FAM178B: variants seen among roughly 807,000 people sequenced by gnomAD.
FAM178B encodes protein FAM178B.
In FAM178B, 82 loss-of-function variants were observed where a neutral mutation model predicts 91.7. That is an observed-to-expected ratio of 0.89 (90% CI 0.75 to 1.07). The LOEUF is 1.07. Ranked by LOEUF, FAM178B falls within the 50% of genes least tolerant of loss-of-function variation. FAM178B has a pLI of 0.00. For missense variants in FAM178B, 769 were observed against 846.7 expected (o/e 0.91, Z 1.14); for synonymous variants, 368 against 359.4 (o/e 1.02, Z -0.27).
intron 5 of FAM178B, among the ~76,000 whole-genome samples, chr2:96,961,728 G>A (rs2082084259): frequency 6.6e-6 from 1 of 152,120 alleles, no homozygotes; most frequent in African/African-American, 2.4e-5. Flanking sequence ...TGGGTGTGGT[G>A]TGGCGTCGCC....
At chr2:96,893,330 T>C (rs563626076) in intron 14 of FAM178B, among the ~76,000 whole-genome samples, 37 of 152,234 alleles carry the variant, frequency 2.4e-4, no homozygotes, top group Non-Finnish European at 5.0e-4. Flanking sequence ...TAGGCCTCAC[T>C]GTTCCAAACT....
chr2:96,954,284 TA>T (rs1384967902), intron 6 of FAM178B, among the ~76,000 whole-genome samples: 2 of 152,224 alleles, frequency 1.3e-5, no homozygotes, highest in African/African-American at 2.4e-5. Flanking sequence ...AGGGAGCTGC[TA>T]ATCCCCAGCC....
At chr2:96,934,650 C>T (rs1293246433) in intron 8 of FAM178B, among the ~76,000 whole-genome samples, 2 of 152,238 alleles carry the variant, frequency 1.3e-5, no homozygotes. Flanking sequence ...AAGAGTGCCA[C>T]TGCCTCTCCT....
chr2:96,881,409 C>A (rs1332768982), intron 14 of FAM178B, among the ~76,000 whole-genome samples: 1 of 152,036 alleles, frequency 6.6e-6, no homozygotes, highest in Admixed American at 6.5e-5. Context: ...GGGGAAGGCA[C>A]CCTGGGCTGT....
chr2:96,884,620 G>A (rs1041365690), intron 14 of FAM178B, among the ~76,000 whole-genome samples: 12 of 152,224 alleles, frequency 7.9e-5, no homozygotes, highest in Admixed American at 3.3e-4. Flanking sequence ...GACACCAGGC[G>A]AAAGGGGATG....
In FAM178B at chr2:96,902,642, G is replaced by T. The variant is rs772033104; in HGVS notation, c.1628C>A (p.Pro543His). 6 of 1,550,858 alleles carry T rather than the reference G, an allele frequency of 3.9e-6. No homozygotes were observed. The South Asian group carries it at 5.9e-5, about 15-fold the overall frequency. The change falls in exon 13 of 17, where the codon CCT becomes CAT. Residue 543 changes from proline (P) to histidine (H), a missense_variant. By Grantham distance (77) the Pro-to-His change is moderately conservative. Transcript: ENST00000490605. ...CACCTGGGTCTTCTCTTGCCAGAGA[G>T]GGAGCATCTCCTGCTGGCCCAGCAT... ...ARMLGQQEML[P>H]LWQEKTQLSS...
At chr2:96,971,295 C>G (rs1481160747) in intron 3 of FAM178B, among the ~76,000 whole-genome samples, 1 of 145,734 alleles carries the variant, frequency 6.9e-6, no homozygotes, top group Non-Finnish European at 1.5e-5. Context: ...CTCTCTCCCA[C>G]CTCCCTCTCT....
chr2:96,964,678 C>T (rs571438756), intron 5 of FAM178B, among the ~76,000 whole-genome samples: 60 of 152,314 alleles, frequency 3.9e-4, no homozygotes, highest in South Asian at 2.9e-3. Flanking sequence ...AGAAACCACC[C>T]CACTGATCTG....
intron 9 of FAM178B, among the ~76,000 whole-genome samples, chr2:96,925,303 T>C (rs1428641875): frequency 6.6e-6 from 1 of 151,736 alleles, no homozygotes; most frequent in Non-Finnish European, 1.5e-5. Context: ...CAGAGAGGAG[T>C]GTGGCTGTGG....
At chr2:96,924,398 CTGA>C (rs1287331214) in intron 9 of FAM178B, among the ~76,000 whole-genome samples, 2 of 152,256 alleles carry the variant, frequency 1.3e-5, no homozygotes, top group African/African-American at 2.4e-5. Context: ...GTGCTGTCTG[CTGA>C]TAAGACCTGC....
chr2:96,890,373 A>T (rs568095700), intron 14 of FAM178B, among the ~76,000 whole-genome samples: 1 of 152,192 alleles, frequency 6.6e-6, no homozygotes, highest in Non-Finnish European at 1.5e-5. Context: ...CTGAGGTAGG[A>T]GGATCTATTG....
In FAM178B at chr2:96,924,249, G is replaced by A. The variant is rs370343677; in HGVS notation, c.1194-666C>T. Among the ~76,000 whole-genome samples, 57 of 152,310 alleles carry A rather than the reference G, an allele frequency of 3.7e-4. No homozygotes were observed. The South Asian group carries it at 1.0e-2, about 27-fold the overall frequency. On this transcript the variant is annotated intron_variant, in intron 9 of 16. Coordinates refer to ENST00000490605, the MANE Select transcript of FAM178B (RefSeq NM_001122646.3). ...CCGTGAGTTCTCCCTGGGTCCGTTC[G>A]ACAAGGGTGAGCCTGCATACACTGC...
rs746051795 is a variant in FAM178B at position 96,967,605 on chromosome 2, G to A, written c.649C>T (p.Arg217Ter). Residue 217 changes from arginine to a stop codon, truncating the protein, a stop_gained, in exon 5 of 17, where the codon CGA becomes TGA. Coordinates refer to ENST00000490605, the MANE Select transcript of FAM178B (RefSeq NM_001122646.3). LOFTEE classifies it high-confidence loss of function. Reference protein sequence around the residue: ...EKREQALEQERERLLLQECLN... With the variant: ...EKREQALEQE ...CACTCCTGCAGAAGCAGCCTCTCTCGCTCCTGCTCCAGGGCCTGTTCCCTA... is the reference window on the plus strand; with the variant it reads ...CACTCCTGCAGAAGCAGCCTCTCTCACTCCTGCTCCAGGGCCTGTTCCCTA... 9.0e-6 allele frequency: 14 copies of A among 1,549,656 alleles called. No homozygotes were observed. Among genetic ancestry groups the A allele is most frequent in the East Asian group, 4.9e-5 (2 of 40,920 alleles).
rs1428949113 is a variant in FAM178B, at chr2:96,921,234, C to A, written c.1493G>T (p.Trp498Leu). 3 of 1,551,488 alleles carry A rather than the reference C, an allele frequency of 1.9e-6. No homozygotes were observed. Among genetic ancestry groups the A allele is most frequent in the Middle Eastern group, 1.7e-4 (1 of 6,012 alleles). Reference sequence around the variant, plus strand: ...CAGGTTGTGGTGGTGGTCAGACACCCAGCTCAGGGTGCAGCACAGTTCCTG... The same window carrying A: ...CAGGTTGTGGTGGTGGTCAGACACCAAGCTCAGGGTGCAGCACAGTTCCTG... ...KLQELCCTLS[W>L]VSDHHHNLLA... Residue 498 changes from tryptophan (W) to leucine (L), a missense_variant, in exon 12 of 17, where the codon TGG (tryptophan) becomes TTG (leucine). Trp to Leu is a moderately conservative substitution (Grantham distance 61). Transcript: ENST00000490605.
In FAM178B at chr2:96,902,692, C is replaced by G; in HGVS notation, c.1578G>C (p.Gln526His). The change falls in exon 13 of 17, where the codon CAG becomes CAC. Residue 526 changes from glutamine (Q) to histidine (H), a missense_variant. Physicochemically the swap from Gln to His is conservative, Grantham distance 24. Transcript: ENST00000490605. ...TTCGAGCAATGACCACAAGGCTGAG[C>G]TGGCTTCGAAGCCGCCTGGGGGAAA... The part of the protein sequence containing the change: ...MTSRSRRLRS[Q>H]LSLVVIARML... 2 of 1,550,562 alleles carry G rather than the reference C, an allele frequency of 1.3e-6. No individual in the cohort carries two copies. The highest frequency in any genetic ancestry group is 1.2e-5 in the South Asian group (1 of 84,060).
chr2:96,905,428 C>G (rs1487998940), intron 12 of FAM178B, among the ~76,000 whole-genome samples: 1 of 151,524 alleles, frequency 6.6e-6, no homozygotes, highest in African/African-American at 2.4e-5. Context: ...CGTGGTGGCA[C>G]ACACCTGTAA....
intron 14 of FAM178B, 99 bp downstream of exon 14, chr2:96,893,827 G>T: frequency 7.1e-7 from 1 of 1,416,788 alleles, no homozygotes; most frequent in Non-Finnish European, 9.4e-7. Flanking sequence ...GGTTCTGGAA[G>T]GACCCGCAGG....
intron 4 of FAM178B, among the ~76,000 whole-genome samples, chr2:96,968,838 A>C (rs1343658081): frequency 6.6e-6 from 1 of 152,208 alleles, no homozygotes; most frequent in Non-Finnish European, 1.5e-5. Context: ...CCTTGTGTCC[A>C]ACAAGGCCCC....
chr2:96,947,894 T>C lies in FAM178B; in HGVS notation c.1002A>G (p.Thr334=), dbSNP rs2081856848. The C allele has an allele frequency of 6.5e-7, 1 of 1,536,388 alleles. No homozygotes were observed. Among genetic ancestry groups the C allele is most frequent in the East Asian group, 2.4e-5 (1 of 40,880 alleles). ...SLLQWLFQLL[T]WPPETSLGAF... Reference sequence around the variant, plus strand: ...CTCCCAAAGATGTTTCTGGAGGCCATGTCAGCAGCTAGGTGGAAAAAAAAA... The same window carrying C: ...CTCCCAAAGATGTTTCTGGAGGCCACGTCAGCAGCTAGGTGGAAAAAAAAA... The change falls in exon 8 of 17, where the codon ACA becomes ACG. Residue 334 remains threonine, a synonymous_variant. Transcript: ENST00000490605.
Sources: gnomAD v4.1 joint callset for allele counts (sites outside exome capture counted in the v4.1 genomes callset) on GRCh38, gnomAD v4.1.1 for gene constraint, MANE v1.5 for transcripts, NCBI Gene and HGNC (gene_info 2026-07-23, HGNC 2026-07-21) for gene names.